Variants in ARID1A observed in about 807,000 individuals in gnomAD.
The protein encoded by ARID1A is AT-rich interactive domain-containing protein 1A.
ARID1A carries 20 observed loss-of-function variants against 212.6 expected under a neutral mutation model. The observed-to-expected ratio is 0.09, with a 90% CI of 0.07 to 0.14. The LOEUF (loss-of-function observed/expected upper bound fraction) is 0.14. ARID1A is among the 10% of genes least tolerant of loss of function. The pLI is 1.00. For synonymous variants in ARID1A, 1,376 were observed against 1,222.1 expected (o/e 1.13, Z -2.63); for missense variants, 2,587 against 3,059.0 (o/e 0.85, Z 3.64).
intron 1 of ARID1A, among the ~76,000 whole-genome samples, chr1:26,698,582 C>A (rs886097007): frequency 1.3e-5 from 2 of 152,204 alleles, no homozygotes; most frequent in Non-Finnish European, 2.9e-5. Context: ...ATTTATTTTG[C>A]TTGTTATGTT....
intron 1 of ARID1A, among the ~76,000 whole-genome samples, chr1:26,712,119 T>C (rs893068365): frequency 2.0e-5 from 3 of 152,090 alleles, no homozygotes; most frequent in African/African-American, 7.2e-5. Context: ...TGTGGTGGTC[T>C]CCAAGTATGG....
intron 1 of ARID1A, among the ~76,000 whole-genome samples, chr1:26,710,760 A>G (rs1243475188): frequency 6.6e-6 from 1 of 152,208 alleles, no homozygotes. Flanking sequence ...GCTGCAGAGT[A>G]TATCCAGATT....
intron 1 of ARID1A, among the ~76,000 whole-genome samples, chr1:26,705,124 G>A (rs1462784121): frequency 6.6e-6 from 1 of 151,930 alleles, no homozygotes; most frequent in Non-Finnish European, 1.5e-5. Context: ...CACTGCTCCA[G>A]TACAGAAGTA....
chr1:26,710,449 C>T (rs1218199274), intron 1 of ARID1A, among the ~76,000 whole-genome samples: 3 of 147,048 alleles, frequency 2.0e-5, no homozygotes, highest in African/African-American at 5.1e-5. Context: ...GCACTCCAGC[C>T]TGGGCGACAG....
At chr1:26,756,671 G>GCAC (rs1332667343) in intron 4 of ARID1A, among the ~76,000 whole-genome samples, 4 of 150,990 alleles carry the variant, frequency 2.6e-5, no homozygotes, top group Non-Finnish European at 4.4e-5. Context: ...CAGCCATGGG[G>GCAC]CACTTTGGCT....
At chr1:26,729,556 G>A (rs934109576) in intron 1 of ARID1A, 95 bp from the exon 2 acceptor site, 28 of 1,378,464 alleles carry the variant, frequency 2.0e-5, no homozygotes, top group African/African-American at 2.0e-4. Flanking sequence ...TTTCTTTATA[G>A]CATACAGACT....
intron 1 of ARID1A, among the ~76,000 whole-genome samples, chr1:26,706,828 G>A (rs2080396779): frequency 6.6e-6 from 1 of 152,204 alleles, no homozygotes; most frequent in Admixed American, 6.5e-5. Flanking sequence ...GTCCTAAGGT[G>A]TTGGAGTTCA....
chr1:26,766,671 C>A, intron 10 of ARID1A, 105 bp downstream of exon 10: 1 of 1,158,382 alleles, frequency 8.6e-7, no homozygotes, highest in Non-Finnish European at 1.2e-6. Context: ...TTTATGACAC[C>A]GGACTAGATA....
At chr1:26,772,789 A>C (rs776563438) in intron 13 of ARID1A, 23 bp from the exon 14 acceptor site, 1 of 1,609,704 alleles carries the variant, frequency 6.2e-7, no homozygotes, top group South Asian at 1.1e-5. Flanking sequence ...TTTGTGGTTT[A>C]CTTGGTTTTC....
rs2081175505 is a variant in ARID1A at position 26,779,932 on chromosome 1, G to A, written c.6034G>A (p.Gly2012Ser). 6.2e-7 allele frequency: 1 copy of A among 1,614,114 alleles called. No individual in the cohort carries two copies. The highest frequency in any genetic ancestry group is 8.5e-7 in the Non-Finnish European group (1 of 1,180,020). The stretch of plus-strand genomic sequence containing the variant: ...ACACCCAGGGCTGCTGCTCATCCTG[G>A]GCAAGCTGATCCTGCTGCACCACAA... ...SKHPGLLLIL[G>S]KLILLHHKHP... Residue 2012 changes from glycine to serine, a missense_variant, in exon 20 of 20, where the codon GGC (glycine) becomes AGC (serine). Gly to Ser is a moderately conservative substitution (Grantham distance 56, BLOSUM62 0). Transcript: ENST00000324856.
At chr1:26,751,404 A>G (rs994147427) in intron 4 of ARID1A, among the ~76,000 whole-genome samples, 8 of 152,162 alleles carry the variant, frequency 5.3e-5, no homozygotes, top group South Asian at 2.1e-4. Flanking sequence ...GTCTGGTGAT[A>G]TAGGTTGTTG....
At chr1:26,730,776 G>C (rs570382442) in intron 2 of ARID1A, among the ~76,000 whole-genome samples, 1 of 152,282 alleles carries the variant, frequency 6.6e-6, no homozygotes, top group African/African-American at 2.4e-5. Context: ...GGTTGAGCCA[G>C]GCTGCTATTG....
intron 4 of ARID1A, among the ~76,000 whole-genome samples, chr1:26,758,367 G>A (rs2080960262): frequency 6.6e-6 from 1 of 152,112 alleles, no homozygotes; most frequent in Admixed American, 6.5e-5. Context: ...GGAGGATTGA[G>A]CCCAAGAGTT....
At chr1:26,743,311 ACT>A (rs2080805584) in intron 4 of ARID1A, among the ~76,000 whole-genome samples, 1 of 151,886 alleles carries the variant, frequency 6.6e-6, no homozygotes, top group Non-Finnish European at 1.5e-5. Flanking sequence ...TAGCTGGAAT[ACT>A]CTCTCTGAGA....
chr1:26,772,769 A>G (rs2124106126), intron 13 of ARID1A, 43 bp from the exon 14 acceptor site: 1 of 1,607,158 alleles, frequency 6.2e-7, no homozygotes, highest in Non-Finnish European at 8.5e-7. Flanking sequence ...ATATTGGAGG[A>G]ATTGGTTTAT....
intron 1 of ARID1A, among the ~76,000 whole-genome samples, chr1:26,719,167 T>C (rs2080535695): frequency 6.6e-6 from 1 of 152,242 alleles, no homozygotes; most frequent in Non-Finnish European, 1.5e-5. Context: ...GGAGCATTTG[T>C]TTGTTTTGTA....
intron 4 of ARID1A, among the ~76,000 whole-genome samples, chr1:26,759,151 T>C (rs1380222174): frequency 6.6e-6 from 1 of 152,204 alleles, no homozygotes; most frequent in African/African-American, 2.4e-5. Flanking sequence ...TCAAACCAAC[T>C]TGGATCTCCT....
chr1:26,747,217 C>A (rs1046016062), intron 4 of ARID1A, among the ~76,000 whole-genome samples: 1 of 152,116 alleles, frequency 6.6e-6, no homozygotes, highest in African/African-American at 2.4e-5. Context: ...AATCCCCCTA[C>A]TCGATGGCCT....
rs766238144 is a variant in ARID1A at position 26,781,035 on chromosome 1, CT to C, written c.*286del. 2.5e-5 allele frequency: 9 copies of C among 358,452 alleles called. No homozygotes were observed. In the South Asian group the frequency reaches 9.3e-4, roughly 37 times the overall value. The allele number at this position is 358,452 out of a possible 1,614,324, so 22.2% of individuals were successfully genotyped here. On this transcript the variant is annotated 3_prime_UTR_variant, in exon 20 of 20. Transcript: ENST00000324856. ...GACAAAGCTCTGCCTACATAGAAGA[CT>C]TTTTTTATTTTAACCAAAGTTACTG...
Sources: allele counts gnomAD v4.1 joint callset (sites outside exome capture counted in the v4.1 genomes callset), GRCh38; gene constraint gnomAD v4.1.1; transcripts MANE v1.5; gene names NCBI Gene and HGNC (gene_info 2026-07-23, HGNC 2026-07-21).